COL24A1: variants seen among roughly 807,000 people sequenced by gnomAD.
COL24A1 encodes collagen type XXIV alpha 1 chain.
In COL24A1, 224 loss-of-function variants were observed where a neutral mutation model predicts 253.9. The observed-to-expected ratio is 0.88, with a 90% CI of 0.79 to 0.99. The LOEUF is 0.99. Among genes scored for constraint, COL24A1 ranks in the 50% least tolerant of loss-of-function variants. The probability of loss-of-function intolerance (pLI) is 0.00; values close to 1 mark genes in which losing one functional copy is unlikely to be tolerated. For synonymous variants in COL24A1, 685 were observed against 673.7 expected (o/e 1.02, Z -0.26); for missense variants, 2,131 against 2,068.5 (o/e 1.03, Z -0.59).
At chr1:86,091,678 T>C (rs1300515522) in intron 6 of COL24A1, among the ~76,000 whole-genome samples, 2 of 152,112 alleles carry the variant, frequency 1.3e-5, no homozygotes, top group East Asian at 3.8e-4. Flanking sequence ...AAAATATGTA[T>C]ATGTTTGTAT....
intron 47 of COL24A1, among the ~76,000 whole-genome samples, chr1:85,798,200 T>TAA (rs5775871): frequency 0.72 from 99,272 of 138,724 alleles, 37,480 homozygotes; most frequent in Non-Finnish European, 0.85. Flanking sequence ...CTGTCTCTAT[T>TAA]AAAAAAAAAA....
chr1:85,932,131 C>T (rs1342863480), intron 24 of COL24A1, among the ~76,000 whole-genome samples: 10 of 89,356 alleles, frequency 1.1e-4, no homozygotes, highest in African/African-American at 2.1e-4. Flanking sequence ...AAAGAAACTA[C>T]CATCAGAGTG....
intron 5 of COL24A1, among the ~76,000 whole-genome samples, chr1:86,105,188 A>G (rs988618054): frequency 6.6e-6 from 1 of 152,186 alleles, no homozygotes. Flanking sequence ...TCCAGCTGCA[A>G]TAGCGGTATG....
chr1:85,915,275 T>C (rs775515404), intron 24 of COL24A1, among the ~76,000 whole-genome samples: 22 of 152,290 alleles, frequency 1.4e-4, no homozygotes, highest in Non-Finnish European at 3.1e-4. Context: ...TCTCAGGCCT[T>C]TGGACTTGGA....
intron 19 of COL24A1, among the ~76,000 whole-genome samples, chr1:85,993,443 C>CA (rs56750843): frequency 0.47 from 68,992 of 145,316 alleles, 16,171 homozygotes; most frequent in East Asian, 0.61. Context: ...AGAAGCCAGA[C>CA]AAAAAAAAAA....
At chr1:86,061,066 T>C (rs1392634551) in intron 8 of COL24A1, among the ~76,000 whole-genome samples, 1 of 152,034 alleles carries the variant, frequency 6.6e-6, no homozygotes, top group Non-Finnish European at 1.5e-5. Context: ...AAGGTGTTTA[T>C]GTCACCAATG....
chr1:86,069,677 A>T (rs1371504536), intron 7 of COL24A1, among the ~76,000 whole-genome samples: 2 of 140,518 alleles, frequency 1.4e-5, no homozygotes, highest in Non-Finnish European at 3.1e-5. Context: ...GAGAGAGGAG[A>T]GACTCCATTT....
chr1:85,860,902 T>C (rs1679072686), intron 37 of COL24A1, among the ~76,000 whole-genome samples: 1 of 152,256 alleles, frequency 6.6e-6, no homozygotes, highest in Admixed American at 6.5e-5. Flanking sequence ...TATTTATTAA[T>C]TCATCAGGTG....
intron 14 of COL24A1, among the ~76,000 whole-genome samples, chr1:86,029,090 A>G (rs568764389): frequency 3.3e-5 from 5 of 152,054 alleles, no homozygotes; most frequent in Non-Finnish European, 5.9e-5. Flanking sequence ...CCTTTTGCCT[A>G]CTTCCTTACT....
intron 24 of COL24A1, among the ~76,000 whole-genome samples, chr1:85,927,546 G>A (rs1026499544): frequency 2.4e-5 from 3 of 127,250 alleles, no homozygotes; most frequent in African/African-American, 8.9e-5. Flanking sequence ...GGTAAACAAA[G>A]CAGCCAGGAA....
At chr1:85,942,767 A>G (rs1571310825) in intron 24 of COL24A1, among the ~76,000 whole-genome samples, 1 of 152,322 alleles carries the variant, frequency 6.6e-6, no homozygotes, top group East Asian at 1.9e-4. Flanking sequence ...ATGCAGGATA[A>G]TTGCATCACG....
chr1:85,740,953 C>CAA (rs774839476), intron 57 of COL24A1, among the ~76,000 whole-genome samples: 6 of 83,034 alleles, frequency 7.2e-5, no homozygotes, highest in South Asian at 5.2e-4. Flanking sequence ...TCTAAAAATA[C>CAA]AAAAAAAAAA....
At chr1:85,946,649 C>T (rs536375379) in intron 24 of COL24A1, among the ~76,000 whole-genome samples, 23 of 152,270 alleles carry the variant, frequency 1.5e-4, no homozygotes, top group South Asian at 1.2e-3. Flanking sequence ...ACAATAAACA[C>T]GGTTAAAAGG....
rs974024626 is a variant in COL24A1, at chr1:85,775,126, G to C, written c.4374+548C>G. Among the ~76,000 whole-genome samples, 20 of 152,024 alleles carry C rather than the reference G, an allele frequency of 1.3e-4. 1 individual carries two copies. Among genetic ancestry groups the C allele is most frequent in the Admixed American group, 3.3e-4 (5 of 15,248 alleles). On this transcript the variant is annotated intron_variant, in intron 53 of 59. Transcript: ENST00000370571. ...TTTATTTCTGCCTTTATTTCGTTAG[G>C]TACCCAGTAGTCATTCAGAAGCAGG...
At chr1:85,944,468 A>T (rs528071254) in intron 24 of COL24A1, among the ~76,000 whole-genome samples, 51 of 152,226 alleles carry the variant, frequency 3.4e-4, no homozygotes, top group Admixed American at 2.6e-3. Context: ...AATCTTTTTT[A>T]AAAAAATTTT....
At chr1:85,858,621 C>CTTCCTTCCT (rs1553201492) in intron 37 of COL24A1, among the ~76,000 whole-genome samples, 22 of 113,372 alleles carry the variant, frequency 1.9e-4, no homozygotes, top group South Asian at 1.0e-3. Context: ...TATTTTCTCC[C>CTTCCTTCCT]TCCTTCCTTC....
intron 2 of COL24A1, among the ~76,000 whole-genome samples, chr1:86,129,561 T>C (rs2102296280): frequency 1.3e-5 from 2 of 151,970 alleles, no homozygotes; most frequent in Middle Eastern, 6.8e-3. Flanking sequence ...TCCTGAGTGC[T>C]GCTTTAGCTG....
chr1:85,804,493 C>G (rs150360664), intron 47 of COL24A1, among the ~76,000 whole-genome samples: 2 of 152,262 alleles, frequency 1.3e-5, no homozygotes, highest in East Asian at 1.9e-4. Flanking sequence ...GATAAACACA[C>G]CTGAGACTGG....
intron 7 of COL24A1, among the ~76,000 whole-genome samples, chr1:86,079,797 G>A (rs72716152): frequency 0.13 from 19,558 of 152,090 alleles, 1,395 homozygotes; most frequent in Middle Eastern, 0.24. Context: ...GTGGAAAAAG[G>A]AGAATCCTCA....
Sources: gnomAD v4.1 joint callset for allele counts (sites outside exome capture counted in the v4.1 genomes callset) on GRCh38, gnomAD v4.1.1 for gene constraint, MANE v1.5 for transcripts, NCBI Gene and HGNC (gene_info 2026-07-23, HGNC 2026-07-21) for gene names.